The following TBCK variants were observed in gnomAD, a reference collection of about 807,000 sequenced individuals.
The protein encoded by TBCK is TBC1 domain containing kinase.
In TBCK, 99 loss-of-function variants were observed where a neutral mutation model predicts 113.4. The observed-to-expected ratio is 0.87, with a 90% CI of 0.74 to 1.03. The LOEUF is 1.03. TBCK is among the 50% of genes least tolerant of loss of function. The probability of loss-of-function intolerance (pLI) is 0.00; values close to 1 mark genes in which losing one functional copy is unlikely to be tolerated. For missense variants in TBCK, 1,045 were observed against 1,061.3 expected, an observed-to-expected ratio of 0.98 and a Z score of 0.21; for synonymous variants, 369 against 370.8, an observed-to-expected ratio of 1.00 and a Z score of 0.05.
chr4:106,225,464 TTTTG>T (rs1560859330), intron 19 of TBCK, among the ~76,000 whole-genome samples: 1 of 152,156 alleles, frequency 6.6e-6, no homozygotes, highest in African/African-American at 2.4e-5. Flanking sequence ...TTGGTCTTTT[TTTTG>T]TTTGTTTTTG....
At chr4:106,056,767 T>C (rs1735462143) in intron 25 of TBCK, among the ~76,000 whole-genome samples, 1 of 150,444 alleles carries the variant, frequency 6.6e-6, no homozygotes, top group Non-Finnish European at 1.5e-5. Context: ...TTATTGTCCT[T>C]AAGCAAAGTA....
At chr4:106,108,641 C>T (rs139189759) in intron 24 of TBCK, among the ~76,000 whole-genome samples, 30 of 152,276 alleles carry the variant, frequency 2.0e-4, no homozygotes, top group Non-Finnish European at 3.4e-4. Context: ...GACAAAACCA[C>T]AGTCAACATT....
intron 23 of TBCK, among the ~76,000 whole-genome samples, chr4:106,146,364 A>G (rs996727869): frequency 1.3e-5 from 2 of 152,200 alleles, no homozygotes; most frequent in South Asian, 4.1e-4. Flanking sequence ...CAAATACTGC[A>G]TGTTCTCTTA....
chr4:106,290,468 A>G (rs924838493), intron 3 of TBCK, among the ~76,000 whole-genome samples: 14 of 152,094 alleles, frequency 9.2e-5, no homozygotes, highest in East Asian at 5.8e-4. Flanking sequence ...GAGCCACCAC[A>G]CCCGGCCGGA....
intron 25 of TBCK, among the ~76,000 whole-genome samples, chr4:106,093,037 C>T (rs1043288679): frequency 1.3e-5 from 2 of 152,336 alleles, no homozygotes; most frequent in Non-Finnish European, 2.9e-5. Context: ...ATGTGTGTTA[C>T]TATTTTCTGA....
intron 2 of TBCK, among the ~76,000 whole-genome samples, chr4:106,307,776 A>G (rs1767683118): frequency 6.6e-6 from 1 of 152,168 alleles, no homozygotes; most frequent in Non-Finnish European, 1.5e-5. Flanking sequence ...GCTTCCAAAA[A>G]TAATTCTGAA....
chr4:106,057,723 CCTCA>C (rs1735589155), intron 25 of TBCK, among the ~76,000 whole-genome samples: 1 of 151,732 alleles, frequency 6.6e-6, no homozygotes, highest in Admixed American at 6.6e-5. Context: ...TTTCAGAATT[CCTCA>C]CTTAGATGAA....
chr4:106,217,760 G>A (rs918573846), intron 19 of TBCK, among the ~76,000 whole-genome samples: 1 of 150,832 alleles, frequency 6.6e-6, no homozygotes, highest in African/African-American at 2.4e-5. Flanking sequence ...TCATGGGTAG[G>A]AAGAATCAAT....
chr4:106,304,779 T>C (rs186563789), intron 2 of TBCK, among the ~76,000 whole-genome samples: 5 of 152,290 alleles, frequency 3.3e-5, no homozygotes, highest in Non-Finnish European at 5.9e-5. Context: ...TCTGTAAAGA[T>C]GAAAGGAATT....
intron 25 of TBCK, among the ~76,000 whole-genome samples, chr4:106,063,804 T>G (rs1390546417): frequency 6.6e-6 from 1 of 151,844 alleles, no homozygotes. Context: ...TTCTTCCACA[T>G]GAAGACACAG....
intron 24 of TBCK, among the ~76,000 whole-genome samples, chr4:106,107,364 T>C (rs962351902): frequency 6.6e-6 from 1 of 152,148 alleles, no homozygotes; most frequent in African/African-American, 2.4e-5. Flanking sequence ...GCACATACTC[T>C]AAAATCGACC....
At chr4:106,196,389 T>C (rs1294261628) in intron 20 of TBCK, among the ~76,000 whole-genome samples, 1 of 151,984 alleles carries the variant, frequency 6.6e-6, no homozygotes, top group Non-Finnish European at 1.5e-5. Flanking sequence ...TAATACAGGC[T>C]GCTATTAAAG....
In TBCK at chr4:106,082,370, A is replaced by T. The variant is rs184980719; in HGVS notation, c.2571+13112T>A. Among the ~76,000 whole-genome samples the T allele has an allele frequency of 2.0e-5, 3 of 152,324 alleles. No homozygotes were observed. The East Asian group carries it at 5.8e-4, about 29-fold the overall frequency. ...CAAACGCTACATGTTGTCACTTATA[A>T]GTGGGAGCTAAACAATGGGTACTCA... On this transcript the variant is annotated intron_variant, in intron 25 of 25. Coordinates refer to ENST00000394708, the MANE Select transcript of TBCK (RefSeq NM_001163435.3).
At position 106,068,348 on chromosome 4, in the gene TBCK, G is replaced by A. The variant is rs548047096; in HGVS notation, c.2572-21668C>T. ...CCCAGTGTGTGGTGCTCCCTGCCCT[G>A]TGTCCAAGTGTTCTCATTGTTCAAT... On this transcript the variant is annotated intron_variant, in intron 25 of 25. Transcript: ENST00000394708. Among the ~76,000 whole-genome samples, 95 of 151,972 alleles carry A rather than the reference G, an allele frequency of 6.3e-4. 1 individual carries two copies. Among genetic ancestry groups the A allele is most frequent in the African/African-American group, 2.2e-3 (91 of 41,448 alleles).
intron 20 of TBCK, among the ~76,000 whole-genome samples, chr4:106,203,993 T>A (rs929685062): frequency 6.6e-6 from 1 of 152,204 alleles, no homozygotes; most frequent in African/African-American, 2.4e-5. Context: ...CATTAACTGA[T>A]GTAGCAAAAT....
At chr4:106,300,208 C>T (rs1413340435) in intron 2 of TBCK, among the ~76,000 whole-genome samples, 5 of 152,168 alleles carry the variant, frequency 3.3e-5, no homozygotes, top group African/African-American at 9.7e-5. Context: ...CCACCAGCCA[C>T]GTGGAACTGT....
At chr4:106,246,331 G>T (rs1048871294) in intron 10 of TBCK, among the ~76,000 whole-genome samples, 1 of 152,088 alleles carries the variant, frequency 6.6e-6, no homozygotes, top group Non-Finnish European at 1.5e-5. Flanking sequence ...ACCATTTTCT[G>T]CTATGACTTA....
intron 20 of TBCK, among the ~76,000 whole-genome samples, chr4:106,203,387 T>C (rs1755096540): frequency 6.6e-6 from 1 of 151,684 alleles, no homozygotes; most frequent in Non-Finnish European, 1.5e-5. Context: ...TTTTTTACTA[T>C]GCTTTATTCT....
intron 25 of TBCK, among the ~76,000 whole-genome samples, chr4:106,072,112 T>C (rs1737537692): frequency 6.6e-6 from 1 of 152,200 alleles, no homozygotes; most frequent in Admixed American, 6.5e-5. Context: ...ATTAATATTG[T>C]TATGTGTGAA....
Sources: gnomAD v4.1 joint callset for allele counts (sites outside exome capture counted in the v4.1 genomes callset) on GRCh38, gnomAD v4.1.1 for gene constraint, MANE v1.5 for transcripts, NCBI Gene and HGNC (gene_info 2026-07-23, HGNC 2026-07-21) for gene names.